Variants in NOL4 observed in about 807,000 individuals in gnomAD.
NOL4 encodes cancer/testis antigen 125.
In NOL4, 17 loss-of-function variants were observed where a neutral mutation model predicts 75.9. That is an observed-to-expected ratio of 0.22 (90% CI 0.15 to 0.34). NOL4 has a LOEUF of 0.34. Among genes scored for constraint, NOL4 ranks in the 10% least tolerant of loss-of-function variants. The pLI, the probability that NOL4 is intolerant of heterozygous loss-of-function variation, is 1.00. For missense variants in NOL4, 614 were observed against 793.5 expected, an observed-to-expected ratio of 0.77 and a Z score of 2.72; for synonymous variants, 292 against 289.9, an observed-to-expected ratio of 1.01 and a Z score of -0.07.
chr18:33,938,650 A>C (rs2068242805), intron 9 of NOL4, among the ~76,000 whole-genome samples: 1 of 152,022 alleles, frequency 6.6e-6, no homozygotes, highest in Admixed American at 6.6e-5. Flanking sequence ...AAATTTGTTT[A>C]AGTTCCTTGT....
chr18:34,188,381 TATATTGCA>T (rs1184496246), intron 1 of NOL4, among the ~76,000 whole-genome samples: 1 of 152,222 alleles, frequency 6.6e-6, no homozygotes, highest in Non-Finnish European at 1.5e-5. Flanking sequence ...GATAAATGTA[TATATTGCA>T]GATATTCCTC....
chr18:34,168,861 T>C (rs1301650588), intron 1 of NOL4, among the ~76,000 whole-genome samples: 2 of 151,724 alleles, frequency 1.3e-5, no homozygotes, highest in African/African-American at 4.8e-5. Flanking sequence ...TTAAAAGTAG[T>C]GGATAAGGAA....
intron 5 of NOL4, among the ~76,000 whole-genome samples, chr18:34,090,279 A>G (rs1232350360): frequency 1.3e-5 from 2 of 152,184 alleles, no homozygotes; most frequent in African/African-American, 4.8e-5. Flanking sequence ...AACTAACTCA[A>G]ATGAAGCCAA....
intron 5 of NOL4, among the ~76,000 whole-genome samples, chr18:34,062,547 C>T (rs1012906611): frequency 3.3e-5 from 5 of 152,002 alleles, no homozygotes; most frequent in African/African-American, 1.2e-4. Context: ...AGCAATAATG[C>T]CTGCCATTTC....
At chr18:34,045,904 A>G (rs2076341672) in intron 5 of NOL4, among the ~76,000 whole-genome samples, 1 of 152,178 alleles carries the variant, frequency 6.6e-6, no homozygotes, top group Non-Finnish European at 1.5e-5. Context: ...TTTATTTTCA[A>G]TATATTTTAA....
intron 1 of NOL4, among the ~76,000 whole-genome samples, chr18:34,163,147 A>C (rs2146194426): frequency 6.6e-6 from 1 of 152,366 alleles, no homozygotes; most frequent in East Asian, 1.9e-4. Flanking sequence ...CTGAATAGGC[A>C]AAAGCTGGAA....
intron 2 of NOL4, among the ~76,000 whole-genome samples, chr18:34,112,313 G>C (rs1304875758): frequency 6.6e-6 from 1 of 151,924 alleles, no homozygotes; most frequent in Non-Finnish European, 1.5e-5. Flanking sequence ...AGTTTGAAGT[G>C]AGCCAAGATT....
At chr18:33,878,134 A>G (rs1228553817) in intron 10 of NOL4, among the ~76,000 whole-genome samples, 1 of 152,064 alleles carries the variant, frequency 6.6e-6, no homozygotes, top group East Asian at 1.9e-4. Flanking sequence ...TGGTTCCTCT[A>G]TGGAGAATTG....
intron 1 of NOL4, among the ~76,000 whole-genome samples, chr18:34,162,008 T>C (rs2031558779): frequency 6.6e-6 from 1 of 152,170 alleles, no homozygotes; most frequent in Non-Finnish European, 1.5e-5. Flanking sequence ...TGCCAAACTA[T>C]TTCTATGCCG....
At chr18:34,005,918 C>T (rs1600224413) in intron 6 of NOL4, among the ~76,000 whole-genome samples, 1 of 152,148 alleles carries the variant, frequency 6.6e-6, no homozygotes, top group East Asian at 1.9e-4. Context: ...TTTTCACCTT[C>T]TCAAATTTCT....
At chr18:34,057,007 C>T (rs551583030) in intron 5 of NOL4, among the ~76,000 whole-genome samples, 154 of 152,232 alleles carry the variant, frequency 1.0e-3, no homozygotes, top group African/African-American at 3.6e-3. Context: ...GCAATACAAC[C>T]CTTGACTTAG....
chr18:34,005,099 C>T (rs1016423095), intron 6 of NOL4, among the ~76,000 whole-genome samples: 3 of 151,986 alleles, frequency 2.0e-5, no homozygotes, highest in African/African-American at 7.2e-5. Flanking sequence ...GATATTATAA[C>T]CAAAAGTAAT....
chr18:34,015,727 C>T (rs982315440), intron 6 of NOL4, among the ~76,000 whole-genome samples: 1 of 152,032 alleles, frequency 6.6e-6, no homozygotes. Context: ...TGACACATGT[C>T]CCCCGAATGC....
chr18:34,221,907 T>C, intron 1 of NOL4: 3 of 803,660 alleles, frequency 3.7e-6, no homozygotes, highest in Non-Finnish European at 5.9e-6. Flanking sequence ...CGGGAAACAG[T>C]TGCCAGTACA....
At chr18:34,216,260 G>A (rs949816235) in intron 1 of NOL4, among the ~76,000 whole-genome samples, 1 of 152,066 alleles carries the variant, frequency 6.6e-6, no homozygotes, top group Non-Finnish European at 1.5e-5. Flanking sequence ...ATGAAATTTG[G>A]GAAAATCAAT....
At chr18:34,071,742 G>A (rs984321389) in intron 5 of NOL4, among the ~76,000 whole-genome samples, 4 of 152,008 alleles carry the variant, frequency 2.6e-5, no homozygotes, top group Non-Finnish European at 5.9e-5. Context: ...AAACTATGAT[G>A]TTCATTAGGT....
intron 1 of NOL4, among the ~76,000 whole-genome samples, chr18:34,139,651 G>T (rs1266117749): frequency 1.3e-5 from 2 of 151,934 alleles, no homozygotes; most frequent in African/African-American, 4.8e-5. Context: ...TTGATTTTTT[G>T]GAGGGTTTTT....
chr18:34,062,534 A>G (rs758360667), intron 5 of NOL4, among the ~76,000 whole-genome samples: 9 of 152,162 alleles, frequency 5.9e-5, no homozygotes, highest in Admixed American at 2.0e-4. Flanking sequence ...TATAACATGC[A>G]GCAGCAATAA....
chr18:34,125,984 C>T (rs1303449283), intron 2 of NOL4, among the ~76,000 whole-genome samples: 2 of 151,498 alleles, frequency 1.3e-5, no homozygotes, highest in Admixed American at 6.6e-5. Flanking sequence ...AAAAAAATGC[C>T]TGCATGAGAA....
Sources: gnomAD v4.1 joint callset for allele counts (sites outside exome capture counted in the v4.1 genomes callset) on GRCh38, gnomAD v4.1.1 for gene constraint, MANE v1.5 for transcripts, NCBI Gene and HGNC (gene_info 2026-07-23, HGNC 2026-07-21) for gene names.